The following ANKDD1B variants were observed in gnomAD, a reference collection of about 807,000 sequenced individuals.
ANKDD1B encodes the protein ankyrin repeat and death domain containing 1B, also known as ankyrin repeat and death domain-containing protein 1B.
Under a neutral mutation model 59.7 loss-of-function variants are expected in ANKDD1B, and 57 were observed. The ratio of observed to expected loss-of-function variants is 0.95; its 90% CI spans 0.77 to 1.19. The LOEUF is 1.19. Ranked by LOEUF, ANKDD1B falls within the 50% of genes most tolerant of loss-of-function variation. The probability of loss-of-function intolerance (pLI) is 0.00; values close to 1 mark genes in which losing one functional copy is unlikely to be tolerated. For synonymous variants in ANKDD1B, 216 were observed against 239.5 expected (o/e 0.90, Z 0.91); for missense variants, 602 against 641.9 (o/e 0.94, Z 0.67).
rs146266376 is a variant in ANKDD1B, at chr5:75,668,755, G to T, written c.1394-497G>T. 3.9e-3 allele frequency among the ~76,000 whole-genome samples: 588 copies of T among 152,304 alleles called. 1 individual carries two copies. The highest frequency in any genetic ancestry group is 6.8e-3 in the Middle Eastern group (2 of 294). ...CCCAGGGATGCAAACTTCCCTCAGAGTAGCTTCCTTGAGACTGGAGTGGCA... is the reference window on the plus strand; with the variant it reads ...CCCAGGGATGCAAACTTCCCTCAGATTAGCTTCCTTGAGACTGGAGTGGCA... On this transcript the variant is annotated intron_variant, in intron 12 of 13. Coordinates refer to ENST00000601380, the MANE Select transcript of ANKDD1B (RefSeq NM_001276713.2).
At chr5:75,657,691 G>A (rs2112010607) in intron 9 of ANKDD1B, among the ~76,000 whole-genome samples, 1 of 152,146 alleles carries the variant, frequency 6.6e-6, no homozygotes, top group East Asian at 1.9e-4. Flanking sequence ...GGCGGATCAT[G>A]AGGTCAGGAG....
At chr5:75,651,602 G>T (rs1774833732) in intron 7 of ANKDD1B, among the ~76,000 whole-genome samples, 1 of 152,212 alleles carries the variant, frequency 6.6e-6, no homozygotes, top group Non-Finnish European at 1.5e-5. Flanking sequence ...CAGGGCTGCA[G>T]GAAACAGTCC....
At chr5:75,635,996 A>C in intron 7 of ANKDD1B, 114 bp downstream of exon 7, 2 of 576,002 alleles carry the variant, frequency 3.5e-6, no homozygotes, top group Non-Finnish European at 6.0e-6. Context: ...GGAGTGTAAA[A>C]TGTGATGCTG....
chr5:75,620,901 CTT>C (rs1773830390), intron 3 of ANKDD1B, among the ~76,000 whole-genome samples: 2 of 152,222 alleles, frequency 1.3e-5, no homozygotes, highest in African/African-American at 2.4e-5. Context: ...TCCTCACCCT[CTT>C]TTCCTGGTCC....
At position 75,616,836 on chromosome 5, in the gene ANKDD1B, G is replaced by C; in HGVS notation, c.226G>C (p.Ala76Pro). The change falls in exon 2 of 14, where the codon GCT (alanine) becomes CCT (proline). Residue 76 changes from alanine (A) to proline (P), a missense_variant. By Grantham distance (27) the Ala-to-Pro change is conservative. This residue lies in a region of ANKDD1B where 317 missense variants were observed against 304.6 expected (regional missense o/e 1.04). Coordinates refer to ENST00000601380, the MANE Select transcript of ANKDD1B (RefSeq NM_001276713.2). ...AAATGAGAGAAGCTTTCAGAATGCT[G>C]CTAAAAGCAATAATTTGGATCTTAT... ...LPNERSFQNA[A>P]KSNNLDLMEK... 6.5e-7 allele frequency: 1 copy of C among 1,530,244 alleles called. No homozygotes were observed. The highest frequency in any genetic ancestry group is 8.8e-7 in the Non-Finnish European group (1 of 1,142,034). The allele number at this position is 1,530,244 out of a possible 1,614,324, so 94.8% of individuals were successfully genotyped here.
At chr5:75,640,472 C>T (rs1400509479) in intron 7 of ANKDD1B, among the ~76,000 whole-genome samples, 1 of 152,218 alleles carries the variant, frequency 6.6e-6, no homozygotes. Context: ...CAAGTTGACA[C>T]ATAGTTGTTC....
intron 5 of ANKDD1B, among the ~76,000 whole-genome samples, chr5:75,627,862 G>A (rs1774034625): frequency 6.6e-6 from 1 of 152,204 alleles, no homozygotes; most frequent in Admixed American, 6.5e-5. Flanking sequence ...GTTTCTGCTG[G>A]CCAGCAGCCT....
At chr5:75,616,158 C>A (rs141821880) in intron 1 of ANKDD1B, among the ~76,000 whole-genome samples, 1 of 152,130 alleles carries the variant, frequency 6.6e-6, no homozygotes, top group Non-Finnish European at 1.5e-5. Context: ...GCCCTCTACT[C>A]CCCTACATAA....
chr5:75,628,959 A>G (rs189860356), intron 5 of ANKDD1B, among the ~76,000 whole-genome samples: 30 of 152,352 alleles, frequency 2.0e-4, no homozygotes, highest in African/African-American at 7.0e-4. Context: ...CACGCCATTC[A>G]TATATTTGTT....
chr5:75,611,917 G>A, intron 1 of ANKDD1B, 90 bp downstream of exon 1: 1 of 1,078,728 alleles, frequency 9.3e-7, no homozygotes, highest in Non-Finnish European at 1.2e-6. Context: ...AGCACCTCCG[G>A]ACGCTGCAGG....
chr5:75,661,526 C>T (rs1201324576), intron 10 of ANKDD1B, among the ~76,000 whole-genome samples: 2 of 151,928 alleles, frequency 1.3e-5, no homozygotes, highest in Non-Finnish European at 2.9e-5. Flanking sequence ...ACCACTTTCA[C>T]CAGTTGTGCC....
intron 7 of ANKDD1B, among the ~76,000 whole-genome samples, chr5:75,649,043 A>G (rs34349): frequency 0.84 from 127,999 of 152,054 alleles, 54,212 homozygotes; most frequent in African/African-American, 0.94. Context: ...GCTGCCCAGA[A>G]TTAGGGCAAC....
At chr5:75,653,329 G>T (rs968158111) in intron 8 of ANKDD1B, 89 bp downstream of exon 8, 3 of 848,308 alleles carry the variant, frequency 3.5e-6, no homozygotes, top group Middle Eastern at 2.2e-4. Flanking sequence ...ACGTGTAGGA[G>T]ATGAGATGTT....
chr5:75,642,416 G>C lies in ANKDD1B; in HGVS notation c.798+6534G>C, dbSNP rs866925014. The stretch of plus-strand genomic sequence containing the variant: ...CACCGTGCGCGAGCCGAAGCAGGGC[G>C]AGGCATTGCCTCACCTGGGAAGCGC... On this transcript the variant is annotated intron_variant, in intron 7 of 13. Coordinates refer to ENST00000601380, the MANE Select transcript of ANKDD1B (RefSeq NM_001276713.2). Among the ~76,000 whole-genome samples the C allele has an allele frequency of 3.3e-3, 494 of 148,442 alleles. 2 individuals carry two copies. Among genetic ancestry groups the C allele is most frequent in the African/African-American group, 0.011 (435 of 39,740 alleles).
At position 75,653,650 on chromosome 5, in the gene ANKDD1B, C is replaced by A. The variant is rs184584527; in HGVS notation, c.897+410C>A. On this transcript the variant is annotated intron_variant, in intron 8 of 13. Coordinates refer to ENST00000601380, the MANE Select transcript of ANKDD1B (RefSeq NM_001276713.2). ...GTTTTTCTTTTGAAAGTCAATTCTT[C>A]ATACTGATTTAGGTTTTCTGACGTT... is the stretch of plus-strand genomic sequence containing the variant. Among the ~76,000 whole-genome samples, 481 of 152,272 alleles carry A rather than the reference C, an allele frequency of 3.2e-3. 2 individuals are homozygous for A. The highest frequency in any genetic ancestry group is 0.011 in the African/African-American group (472 of 41,552).
chr5:75,616,486 C>T (rs746962393), intron 1 of ANKDD1B, among the ~76,000 whole-genome samples: 14 of 152,124 alleles, frequency 9.2e-5, no homozygotes, highest in Non-Finnish European at 1.3e-4. Context: ...CAAACAATGC[C>T]CCCTGGGAAG....
intron 7 of ANKDD1B, among the ~76,000 whole-genome samples, chr5:75,636,552 A>G (rs1340685398): frequency 6.6e-6 from 1 of 152,174 alleles, no homozygotes; most frequent in Non-Finnish European, 1.5e-5. Flanking sequence ...AGATACCTTG[A>G]AGGGTTTTAA....
chr5:75,664,501 C>T (rs1775256897), intron 11 of ANKDD1B, among the ~76,000 whole-genome samples: 1 of 152,156 alleles, frequency 6.6e-6, no homozygotes, highest in Non-Finnish European at 1.5e-5. Context: ...CTTCCATCTC[C>T]TCCCTTTACC....
rs937464094 is a variant in ANKDD1B at position 75,625,904 on chromosome 5, G to A, written c.549G>A (p.Val183=). 1.3e-6 allele frequency: 2 copies of A among 1,536,046 alleles called. No homozygotes were observed. Among genetic ancestry groups the A allele is most frequent in the African/African-American group, 2.7e-5 (2 of 73,028 alleles). Residue 183 remains valine, a synonymous_variant, in exon 5 of 14, where the codon GTG becomes GTA. Coordinates refer to ENST00000601380, the MANE Select transcript of ANKDD1B (RefSeq NM_001276713.2). ...CTCAGAGCAATCATGTGCGCATCGT[G>A]GAGTATCTTATTCAAGATCTGCACC... ...FATQSNHVRI[V]EYLIQDLHLK...
Sources: gnomAD v4.1 joint callset for allele counts (sites outside exome capture counted in the v4.1 genomes callset) on GRCh38, gnomAD v4.1.1 for gene constraint, gnomAD v4.1.1 regional missense constraint, MANE v1.5 for transcripts, NCBI Gene and HGNC (gene_info 2026-07-23, HGNC 2026-07-21) for gene names.